The following HMCN2 variants were observed in gnomAD, a reference collection of about 807,000 sequenced individuals.
The protein encoded by HMCN2 is hemicentin-2.
A neutral mutation model predicts 377.5 loss-of-function variants in HMCN2; 325 were observed. That is an observed-to-expected ratio of 0.86 (90% CI 0.79 to 0.94). HMCN2 has a LOEUF of 0.94. HMCN2 is among the 40% of genes least tolerant of loss of function. The pLI is 0.00. For synonymous variants in HMCN2, 2,007 were observed against 2,046.8 expected (o/e 0.98, Z 0.53); for missense variants, 4,543 against 4,725.3 (o/e 0.96, Z 1.13).
chr9:130,340,520 C>CT (rs879005826), intron 23 of HMCN2, among the ~76,000 whole-genome samples: 18,784 of 144,174 alleles, frequency 0.13, 1,350 homozygotes, highest in Admixed American at 0.2. Flanking sequence ...CCAAGTGGCG[C>CT]TTTTTTTTTT....
chr9:130,373,727 GGATAGGTAGGTGGATGGATA>G (rs1367690988), intron 48 of HMCN2, among the ~76,000 whole-genome samples: 30 of 91,062 alleles, frequency 3.3e-4, no homozygotes, highest in African/African-American at 8.1e-4. Context: ...ATGGATGGAT[GGATAGGTAGGTGGATGGATA>G]GATGGATAGG....
intron 22 of HMCN2, among the ~76,000 whole-genome samples, chr9:130,329,829 AC>A (rs1838330662): frequency 6.6e-6 from 1 of 151,594 alleles, no homozygotes; most frequent in Non-Finnish European, 1.5e-5. Flanking sequence ...GGCAGTGTCC[AC>A]ACACAGAACC....
At chr9:130,401,126 C>G (rs953707619) in intron 77 of HMCN2, among the ~76,000 whole-genome samples, 179 bp downstream of exon 77, 4 of 152,208 alleles carry the variant, frequency 2.6e-5, no homozygotes, top group African/African-American at 9.6e-5. Flanking sequence ...CTCCTCCATG[C>G]TCTGCAGTGT....
intron 1 of HMCN2, among the ~76,000 whole-genome samples, chr9:130,284,251 C>T (rs10988676): frequency 0.24 from 36,009 of 152,088 alleles, 5,126 homozygotes; most frequent in East Asian, 0.49. Context: ...AATTCCTTCT[C>T]CACTGACTGG....
intron 85 of HMCN2, among the ~76,000 whole-genome samples, chr9:130,412,204 T>G (rs1184742116): frequency 6.6e-6 from 1 of 152,210 alleles, no homozygotes; most frequent in Non-Finnish European, 1.5e-5. Context: ...ACTTCTGACC[T>G]CAGGTGATCC....
chr9:130,340,889 G>T (rs907660155), intron 23 of HMCN2, among the ~76,000 whole-genome samples: 35 of 152,228 alleles, frequency 2.3e-4, no homozygotes, highest in Non-Finnish European at 3.8e-4. Flanking sequence ...CAGCCCTAAG[G>T]GTTGAGTCTT....
intron 61 of HMCN2, among the ~76,000 whole-genome samples, chr9:130,387,775 C>T (rs528555392): frequency 3.9e-5 from 6 of 152,268 alleles, no homozygotes; most frequent in Non-Finnish European, 7.4e-5. Context: ...ACAACACAAT[C>T]GTTGAAAAGG....
chr9:130,366,113 C>G (rs540079924), intron 43 of HMCN2, 118 bp downstream of exon 43: 6 of 771,688 alleles, frequency 7.8e-6, no homozygotes, highest in Non-Finnish European at 9.5e-6. Flanking sequence ...TCTTATACCT[C>G]GAGGGGGTGG....
At chr9:130,373,188 G>T in intron 48 of HMCN2, 64 bp downstream of exon 48, 1 of 564,460 alleles carries the variant, frequency 1.8e-6, no homozygotes, top group South Asian at 7.7e-5. Flanking sequence ...GAAAGGAGGG[G>T]ATCCCTGGGG....
Position 130,399,492 on chromosome 9 carries a change from G to C in HMCN2, c.11484-19G>C. ...CTGTCAGCCCAGCAGCCACTTGGCC[G>C]TCTGTCTGTCCACCCCAGGCTCCTG... On this transcript the variant is annotated intron_variant, in intron 75 of 97. Transcript: ENST00000683500. 7.9e-7 allele frequency: 1 copy of C among 1,263,100 alleles called. No homozygotes were observed. Among genetic ancestry groups the C allele is most frequent in the Non-Finnish European group, 1.0e-6 (1 of 969,990 alleles). 78.2% of individuals were successfully genotyped at this position (1,263,100 alleles called of 1,614,324 possible). A position where few individuals can be genotyped will look rare whatever the true frequency, so the allele number is the denominator to read the frequency against.
intron 19 of HMCN2, among the ~76,000 whole-genome samples, chr9:130,324,397 T>C (rs1415608500): frequency 2.6e-5 from 4 of 152,186 alleles, no homozygotes; most frequent in Non-Finnish European, 4.4e-5. Context: ...TTTAAGTTTA[T>C]AGAAAAACTC....
rs924070031 is a variant in HMCN2, at chr9:130,308,353, G to A, written c.2200+787G>A. 6.6e-6 allele frequency among the ~76,000 whole-genome samples: 1 copy of A among 152,218 alleles called. No individual in the cohort carries two copies. The highest frequency in any genetic ancestry group is 1.5e-5 in the Non-Finnish European group (1 of 68,040). ...ATAATGTGATTATCTGAAAATGACA[G>A]CAATAATGACAGGGTTGTCCTGAGG... On this transcript the variant is annotated intron_variant, in intron 14 of 97. Coordinates refer to ENST00000683500, the MANE Select transcript of HMCN2 (RefSeq NM_001291815.2). This position sits in a 1 kb window ranked among gnomAD's most constrained non-coding sequence, Gnocchi z 4.1.
At chr9:130,396,887 C>T (rs1204467347) in intron 73 of HMCN2, among the ~76,000 whole-genome samples, 1 of 152,228 alleles carries the variant, frequency 6.6e-6, no homozygotes, top group Non-Finnish European at 1.5e-5. Flanking sequence ...GGTGCTGCGC[C>T]TTCTGCGTCT....
chr9:130,407,787 G>A, intron 83 of HMCN2, 82 bp downstream of exon 83: 3 of 1,065,690 alleles, frequency 2.8e-6, no homozygotes, highest in Non-Finnish European at 2.4e-6. Flanking sequence ...TAAGAACCCA[G>A]CCTCCTGTCC....
Position 130,408,895 on chromosome 9 carries a change from C to T in HMCN2, c.12841C>T (p.Gln4281Ter). The T allele has an allele frequency of 7.8e-7, 1 of 1,289,724 alleles. No homozygotes were observed. The highest frequency in any genetic ancestry group is 1.0e-6 in the Non-Finnish European group (1 of 988,854). 79.9% of individuals were successfully genotyped at this position (1,289,724 alleles called of 1,614,324 possible). The stretch of plus-strand genomic sequence containing the variant: ...ACTGCGGGGCAGCCACCTCCGGCAC[C>T]AGCTGCAGAATGGCTCGCTGACCAT... ...LPLRGSHLRHQLQNGSLTIRR... is the reference protein window; with the variant it reads ...LPLRGSHLRH Residue 4281 changes from glutamine (Q) to a stop codon, truncating the protein, a stop_gained, in exon 84 of 98, where the codon CAG becomes TAG. Transcript: ENST00000683500. LOFTEE classifies it high-confidence loss of function.
chr9:130,300,389 C>T (rs1836442878), intron 8 of HMCN2, among the ~76,000 whole-genome samples: 1 of 152,226 alleles, frequency 6.6e-6, no homozygotes, highest in Non-Finnish European at 1.5e-5. Context: ...GACTTTTGCT[C>T]TTCCATAATC....
At chr9:130,312,075 C>T (rs1244166989) in intron 15 of HMCN2, among the ~76,000 whole-genome samples, 1 of 152,184 alleles carries the variant, frequency 6.6e-6, no homozygotes, top group Admixed American at 6.5e-5. Flanking sequence ...ATGGAACGAT[C>T]ATCATCCCCT....
rs549466438 is a variant in HMCN2, at chr9:130,403,283, C to T, written c.11968C>T (p.Arg3990Trp). The change falls in exon 79 of 98, where the codon CGG (arginine) becomes TGG (tryptophan). Residue 3990 changes from arginine (R) to tryptophan (W), a missense_variant. This residue lies in a region of HMCN2 where 1,073 missense variants were observed against 1,319.5 expected (regional missense o/e 0.81). Transcript: ENST00000683500. ...GCCCTGCGAGGCCTCAGGCATCCCC[C>T]GGCCGACCATCACCTGGCAGAAGGA... ...LLPCEASGIP[R>W]PTITWQKEGL... 5.9e-5 allele frequency: 76 copies of T among 1,289,824 alleles called. No homozygotes were observed. The highest frequency in any genetic ancestry group is 2.4e-4 in the African/African-American group (16 of 65,962). The allele number at this position is 1,289,824 out of a possible 1,614,324, so 79.9% of individuals were successfully genotyped here.
rs190778300 is a variant in HMCN2 at position 130,428,413 on chromosome 9, G to A, written c.14121G>A (p.Val4707=). 6.5e-6 allele frequency: 10 copies of A among 1,547,558 alleles called. No individual in the cohort carries two copies. The East Asian group carries it at 1.2e-4, about 19-fold the overall frequency. Residue 4707 remains valine (V), a synonymous_variant, in exon 93 of 98, where the codon GTG becomes GTA. Coordinates refer to ENST00000683500, the MANE Select transcript of HMCN2 (RefSeq NM_001291815.2). This position sits in a 1 kb window ranked among gnomAD's most constrained non-coding sequence, Gnocchi z 5.0. ...TCTGCCGAGAGGGACAGCGCTGTGT[G>A]AACCTGCTCGGGTCCTACCGCTGCC... ...AHLCREGQRC[V]NLLGSYRCLP... is the part of the protein sequence containing the mutation.
Sources: allele counts gnomAD v4.1 joint callset (sites outside exome capture counted in the v4.1 genomes callset), GRCh38; gene constraint gnomAD v4.1.1; regional missense constraint gnomAD v4.1.1; non-coding constraint Gnocchi (gnomAD v3.1); transcripts MANE v1.5; gene names NCBI Gene and HGNC (gene_info 2026-07-23, HGNC 2026-07-21).